The following HCN1 variants were observed in gnomAD, a reference collection of about 807,000 sequenced individuals.
HCN1 encodes potassium/sodium hyperpolarization-activated cyclic nucleotide-gated channel 1.
HCN1 carries 13 observed loss-of-function variants against 78.9 expected under a neutral mutation model. That is an observed-to-expected ratio of 0.16 (90% CI 0.11 to 0.26). The LOEUF (loss-of-function observed/expected upper bound fraction) is 0.26. HCN1 is among the 10% of genes least tolerant of loss of function. The probability of loss-of-function intolerance (pLI) is 1.00; values close to 1 mark genes in which losing one functional copy is unlikely to be tolerated. For missense variants in HCN1, 810 were observed against 1,154.3 expected, an observed-to-expected ratio of 0.70 and a Z score of 4.32; for synonymous variants, 552 against 455.5, an observed-to-expected ratio of 1.21 and a Z score of -2.70.
At chr5:45,481,870 C>T (rs1270201637) in intron 2 of HCN1, among the ~76,000 whole-genome samples, 2 of 152,052 alleles carry the variant, frequency 1.3e-5, no homozygotes, top group Non-Finnish European at 2.9e-5. Context: ...GAGAGGTTTA[C>T]TCTCAGTCTC....
intron 4 of HCN1, among the ~76,000 whole-genome samples, chr5:45,377,647 T>C (rs1294519157): frequency 6.6e-6 from 1 of 152,034 alleles, no homozygotes; most frequent in African/African-American, 2.4e-5. Flanking sequence ...TACCTACATG[T>C]TGACACCTAT....
chr5:45,618,478 G>T (rs903284517), intron 2 of HCN1, among the ~76,000 whole-genome samples: 1 of 152,048 alleles, frequency 6.6e-6, no homozygotes, highest in Non-Finnish European at 1.5e-5. Context: ...CATTTGAGAG[G>T]CTTTAAACAG....
chr5:45,674,177 C>T (rs1018258841), intron 1 of HCN1, among the ~76,000 whole-genome samples: 12 of 150,796 alleles, frequency 8.0e-5, no homozygotes, highest in South Asian at 2.1e-4. Flanking sequence ...CACATATATG[C>T]CTTAAGTTGC....
At chr5:45,481,111 C>T (rs1438662338) in intron 2 of HCN1, among the ~76,000 whole-genome samples, 1 of 152,148 alleles carries the variant, frequency 6.6e-6, no homozygotes, top group Non-Finnish European at 1.5e-5. Context: ...ATGAAGCCTA[C>T]ATTTTAAAAA....
chr5:45,427,282 A>G (rs1740371233), intron 3 of HCN1, among the ~76,000 whole-genome samples: 1 of 152,014 alleles, frequency 6.6e-6, no homozygotes, highest in African/African-American at 2.4e-5. Flanking sequence ...CAAAAGCAAA[A>G]CAGAAAAAAA....
intron 4 of HCN1, among the ~76,000 whole-genome samples, chr5:45,370,988 G>A (rs1466868512): frequency 6.6e-6 from 1 of 151,988 alleles, no homozygotes; most frequent in African/African-American, 2.4e-5. Context: ...CAAAGGAGAG[G>A]AGAAAAATAT....
chr5:45,563,219 G>A (rs1456485731), intron 2 of HCN1, among the ~76,000 whole-genome samples: 2 of 152,140 alleles, frequency 1.3e-5, no homozygotes, highest in African/African-American at 2.4e-5. Flanking sequence ...GGAGGCCGAG[G>A]TGGGTGGATC....
chr5:45,597,803 A>T (rs12521899), intron 2 of HCN1, among the ~76,000 whole-genome samples: 106,131 of 151,760 alleles, frequency 0.7, 37,338 homozygotes, highest in Middle Eastern at 0.82. Flanking sequence ...ATGAGTGAAC[A>T]CCCATTCACA....
rs1487128437 is a variant in HCN1, at chr5:45,695,663, C to T, written c.425+6G>A. On this transcript the variant is annotated splice_donor_region_variant and intron_variant, in intron 1 of 7. Transcript: ENST00000303230. ...GGAGGGTGGGGCGGCGACCGGGAGC[C>T]CTCACCTGAAATCACTGTAAGGGTG... 6 of 1,611,680 alleles carry T rather than the reference C, an allele frequency of 3.7e-6. No individual in the cohort carries two copies. The highest frequency in any genetic ancestry group is 4.2e-6 in the Non-Finnish European group (5 of 1,179,268).
At chr5:45,501,946 T>C (rs1007086819) in intron 2 of HCN1, among the ~76,000 whole-genome samples, 1 of 152,108 alleles carries the variant, frequency 6.6e-6, no homozygotes, top group African/African-American at 2.4e-5. Context: ...GTAATTTAGT[T>C]TAGATACATT....
chr5:45,596,375 C>T (rs1744494933), intron 2 of HCN1, among the ~76,000 whole-genome samples: 1 of 152,158 alleles, frequency 6.6e-6, no homozygotes, highest in African/African-American at 2.4e-5. Flanking sequence ...TTCTAAATTG[C>T]TCTATCACAG....
At chr5:45,402,783 T>C (rs1269767484) in intron 3 of HCN1, among the ~76,000 whole-genome samples, 1 of 150,954 alleles carries the variant, frequency 6.6e-6, no homozygotes, top group Admixed American at 6.6e-5. Context: ...CCTTCTTTCT[T>C]CCTTTCCTTT....
chr5:45,447,378 G>A (rs1740821039), intron 3 of HCN1, among the ~76,000 whole-genome samples: 1 of 152,124 alleles, frequency 6.6e-6, no homozygotes, highest in South Asian at 2.1e-4. Context: ...GAGTAGCTGA[G>A]ACTACAGGCA....
chr5:45,397,485 C>T (rs1006075514), intron 3 of HCN1, among the ~76,000 whole-genome samples: 1 of 151,864 alleles, frequency 6.6e-6, no homozygotes, highest in Non-Finnish European at 1.5e-5. Flanking sequence ...TTTAAAAATG[C>T]TGTCCAATGT....
In HCN1 at chr5:45,377,568, A is replaced by T. The variant is rs569805257; in HGVS notation, c.1230+18924T>A. On this transcript the variant is annotated intron_variant, in intron 4 of 7. Coordinates refer to ENST00000303230, the MANE Select transcript of HCN1 (RefSeq NM_021072.4). ...CTGAAACTAACCGAGAGCAAAGTTA[A>T]TGACTTTGGTAAGGCCAGTTAAAAA... Among the ~76,000 whole-genome samples the T allele has an allele frequency of 6.6e-4, 100 of 152,092 alleles. 1 individual carries two copies. In the East Asian group the frequency reaches 0.012, roughly 18 times the overall value.
At chr5:45,368,341 G>A (rs1747277323) in intron 4 of HCN1, among the ~76,000 whole-genome samples, 1 of 151,826 alleles carries the variant, frequency 6.6e-6, no homozygotes, top group Non-Finnish European at 1.5e-5. Flanking sequence ...TGTTTAACTA[G>A]GCAATGAGAA....
At chr5:45,539,764 A>T (rs569009167) in intron 2 of HCN1, among the ~76,000 whole-genome samples, 27 of 147,984 alleles carry the variant, frequency 1.8e-4, no homozygotes, top group Non-Finnish European at 3.9e-4. Context: ...ATAAATGTAC[A>T]ATTCCACTAT....
chr5:45,338,846 CAG>C (rs1277425474), intron 5 of HCN1, among the ~76,000 whole-genome samples: 1 of 152,120 alleles, frequency 6.6e-6, no homozygotes, highest in Non-Finnish European at 1.5e-5. Context: ...TTTTTAGACT[CAG>C]TGTCATTTTA....
At chr5:45,646,076 T>C (rs1318414850) in intron 1 of HCN1, among the ~76,000 whole-genome samples, 3 of 152,054 alleles carry the variant, frequency 2.0e-5, no homozygotes, top group East Asian at 3.9e-4. Flanking sequence ...ATAAATAGGA[T>C]ACTCTAACAA....
Sources: gnomAD v4.1 joint callset for allele counts (sites outside exome capture counted in the v4.1 genomes callset) on GRCh38, gnomAD v4.1.1 for gene constraint, MANE v1.5 for transcripts, NCBI Gene and HGNC (gene_info 2026-07-23, HGNC 2026-07-21) for gene names.